QSOX2: variants seen among roughly 807,000 people sequenced by gnomAD.
The protein encoded by QSOX2 is sulfhydryl oxidase 2.
In QSOX2, 46 loss-of-function variants were observed where a neutral mutation model predicts 61.7. That is an observed-to-expected ratio of 0.75 (90% CI 0.59 to 0.95). The LOEUF (loss-of-function observed/expected upper bound fraction) is 0.95. Among genes scored for constraint, QSOX2 ranks in the 40% least tolerant of loss-of-function variants. The probability of loss-of-function intolerance (pLI) is 0.00; values close to 1 mark genes in which losing one functional copy is unlikely to be tolerated. For missense variants in QSOX2, 879 were observed against 918.9 expected, an observed-to-expected ratio of 0.96 and a Z score of 0.56; for synonymous variants, 383 against 388.4, an observed-to-expected ratio of 0.99 and a Z score of 0.16.
At chr9:136,214,509 C>T (rs1034987012) in intron 10 of QSOX2, among the ~76,000 whole-genome samples, 33 of 152,324 alleles carry the variant, frequency 2.2e-4, no homozygotes, top group African/African-American at 7.5e-4. Flanking sequence ...AGGCCCTGAG[C>T]GTGGCCTGCA....
chr9:136,218,553 G>A (rs530152886), intron 8 of QSOX2, 126 bp downstream of exon 8: 139 of 1,200,946 alleles, frequency 1.2e-4, no homozygotes, highest in Middle Eastern at 2.9e-4. Flanking sequence ...GGGCCTGGGC[G>A]ACAAAGCAAG....
At chr9:136,212,204 C>G (rs527437626) in intron 10 of QSOX2, among the ~76,000 whole-genome samples, 141 of 152,346 alleles carry the variant, frequency 9.3e-4, no homozygotes, top group African/African-American at 3.2e-3. Flanking sequence ...GCACCGCAAC[C>G]AAGGGGAACC....
rs377127673 is a variant in QSOX2, at chr9:136,223,750, G to A, written c.675+13C>T. Reference sequence around the variant, plus strand: ...ACCACGTGTGACACCTGGAGCCCACGCAGAGGCCGTACCTCCCGTCCAAGG... The same window carrying A: ...ACCACGTGTGACACCTGGAGCCCACACAGAGGCCGTACCTCCCGTCCAAGG... On this transcript the variant is annotated intron_variant, in intron 5 of 11. Coordinates refer to ENST00000358701, the MANE Select transcript of QSOX2 (RefSeq NM_181701.4). The surrounding 1 kb of genome is among the most constrained non-coding windows in gnomAD (Gnocchi z 4.4). The A allele has an allele frequency of 1.7e-5, 28 of 1,610,574 alleles. No homozygotes were observed. The highest frequency in any genetic ancestry group is 1.7e-4 in the Middle Eastern group (1 of 5,994).
At chr9:136,238,763 A>G (rs1323781393) in intron 1 of QSOX2, among the ~76,000 whole-genome samples, 1 of 152,252 alleles carries the variant, frequency 6.6e-6, no homozygotes, top group Admixed American at 6.5e-5. Context: ...TCTGTTGCTC[A>G]GGAAGAAGAC....
intron 1 of QSOX2, among the ~76,000 whole-genome samples, chr9:136,237,443 A>AGTGTC: frequency 8.1e-6 from 1 of 123,578 alleles, no homozygotes; most frequent in East Asian, 2.6e-4. Context: ...GTCCTGTGCC[A>AGTGTC]CACCTGGAGC....
chr9:136,230,936 T>C lies in QSOX2; in HGVS notation c.329-4062A>G, dbSNP rs558250530. On this transcript the variant is annotated intron_variant, in intron 1 of 11. Transcript: ENST00000358701. ...TTTCCACTGATCTGTTCCTGGTTGCTTTCCCATCTATTTCACAATTTGAAC... is the reference window on the plus strand; with the variant it reads ...TTTCCACTGATCTGTTCCTGGTTGCCTTCCCATCTATTTCACAATTTGAAC... Among the ~76,000 whole-genome samples the C allele has an allele frequency of 3.0e-3, 451 of 152,304 alleles. 1 individual carries two copies. The highest frequency in any genetic ancestry group is 9.8e-3 in the African/African-American group (407 of 41,560).
At chr9:136,241,388 G>A (rs1004865990) in intron 1 of QSOX2, among the ~76,000 whole-genome samples, 6 of 152,200 alleles carry the variant, frequency 3.9e-5, no homozygotes, top group African/African-American at 1.4e-4. Context: ...AACGGACAAT[G>A]AGCCTGTGGG....
rs1831820470 is a variant in QSOX2, at chr9:136,209,521, G to A, written c.1550-246C>T. 1.0e-6 allele frequency: 1 copy of A among 985,356 alleles called. No homozygotes were observed. Among genetic ancestry groups the A allele is most frequent in the Non-Finnish European group, 1.2e-6 (1 of 829,898 alleles). 61.0% of individuals were successfully genotyped at this position (985,356 alleles called of 1,614,324 possible). A position where few individuals can be genotyped will look rare whatever the true frequency, so the allele number is the denominator to read the frequency against. Reference sequence around the variant, plus strand: ...CTGCCGGTTCCCATAGCCTGCAAGTGAGGAGACGCTACACGCTCGGCCTCC... The same window carrying A: ...CTGCCGGTTCCCATAGCCTGCAAGTAAGGAGACGCTACACGCTCGGCCTCC... On this transcript the variant is annotated intron_variant, in intron 11 of 11. Coordinates refer to ENST00000358701, the MANE Select transcript of QSOX2 (RefSeq NM_181701.4). The surrounding 1 kb of genome is among the most constrained non-coding windows in gnomAD (Gnocchi z 5.6).
intron 1 of QSOX2, among the ~76,000 whole-genome samples, chr9:136,231,248 C>G (rs887536261): frequency 6.6e-6 from 1 of 152,214 alleles, no homozygotes; most frequent in African/African-American, 2.4e-5. Context: ...TCCTAACAGG[C>G]GTGCCCGACT....
At chr9:136,233,212 G>T (rs999845050) in intron 1 of QSOX2, among the ~76,000 whole-genome samples, 1 of 152,182 alleles carries the variant, frequency 6.6e-6, no homozygotes, top group African/African-American at 2.4e-5. Flanking sequence ...CTGGTTGCAC[G>T]AGAAGGCCTG....
At position 136,221,967 on chromosome 9, in the gene QSOX2, T is replaced by C; in HGVS notation, c.676-26A>G. On this transcript the variant is annotated intron_variant, in intron 5 of 11. Transcript: ENST00000358701. This position sits in a 1 kb window ranked among gnomAD's most constrained non-coding sequence, Gnocchi z 4.5. Reference sequence around the variant, plus strand: ...CTGGGGGATGAGAACACAATGACACTTCCACAGGGGCTGGCAGTTTCTCAG... The same window carrying C: ...CTGGGGGATGAGAACACAATGACACCTCCACAGGGGCTGGCAGTTTCTCAG... 6 of 1,541,060 alleles carry C rather than the reference T, an allele frequency of 3.9e-6. No homozygotes were observed. Among genetic ancestry groups the C allele is most frequent in the Non-Finnish European group, 5.3e-6 (6 of 1,140,314 alleles).
At position 136,221,985 on chromosome 9, in the gene QSOX2, T is replaced by C; in HGVS notation, c.676-44A>G. Reference sequence around the variant, plus strand: ...ATGACACTTCCACAGGGGCTGGCAGTTTCTCAGAAAACACGACGTGCAGAC... The same window carrying C: ...ATGACACTTCCACAGGGGCTGGCAGCTTCTCAGAAAACACGACGTGCAGAC... On this transcript the variant is annotated intron_variant, in intron 5 of 11. Transcript: ENST00000358701. The surrounding 1 kb of genome is among the most constrained non-coding windows in gnomAD (Gnocchi z 4.5). 1.3e-6 allele frequency: 2 copies of C among 1,509,030 alleles called. No homozygotes were observed. The highest frequency in any genetic ancestry group is 1.8e-6 in the Non-Finnish European group (2 of 1,124,922). 93.5% of individuals were successfully genotyped at this position (1,509,030 alleles called of 1,614,324 possible).
At chr9:136,216,512 C>T (rs1352243505) in intron 9 of QSOX2, 88 bp downstream of exon 9, 27 of 1,553,690 alleles carry the variant, frequency 1.7e-5, no homozygotes, top group Non-Finnish European at 2.4e-5. Flanking sequence ...GCCCGGGCCC[C>T]GAGCAGGGAG....
chr9:136,230,107 C>A (rs1464852876), intron 1 of QSOX2, among the ~76,000 whole-genome samples: 2 of 151,920 alleles, frequency 1.3e-5, no homozygotes, highest in African/African-American at 4.8e-5. Flanking sequence ...GGTAAAACCC[C>A]GTCTCTACTA....
Position 136,216,625 on chromosome 9 carries a change from A to G in QSOX2, c.1184T>C (p.Leu395Pro). 6.2e-7 allele frequency: 1 copy of G among 1,613,960 alleles called. No homozygotes were observed. Among genetic ancestry groups the G allele is most frequent in the Non-Finnish European group, 8.5e-7 (1 of 1,179,970 alleles). Reference sequence around the variant, plus strand: ...CCGCATCTTGTTGTTGACCAGGTCAAGCACGGCGTTGTAGGGGATCCTGTC... The same window carrying G: ...CCGCATCTTGTTGTTGACCAGGTCAGGCACGGCGTTGTAGGGGATCCTGTC... ...PLDRIPYNAV[L>P]DLVNNKMRIS... Residue 395 changes from leucine to proline, a missense_variant, in exon 9 of 12, where the codon CTT becomes CCT. By Grantham distance (98) the Leu-to-Pro change is moderately conservative. Transcript: ENST00000358701.
chr9:136,239,970 C>G (rs924596972), intron 1 of QSOX2, among the ~76,000 whole-genome samples: 1 of 152,252 alleles, frequency 6.6e-6, no homozygotes, highest in Non-Finnish European at 1.5e-5. Flanking sequence ...GGGCACTGGC[C>G]TCATTCAACG....
chr9:136,211,470 C>T lies in QSOX2; in HGVS notation c.1361-18G>A, dbSNP rs1331270417. The T allele has an allele frequency of 3.7e-6, 6 of 1,610,150 alleles. No homozygotes were observed. The highest frequency in any genetic ancestry group is 5.1e-6 in the Non-Finnish European group (6 of 1,176,726). On this transcript the variant is annotated intron_variant, in intron 10 of 11. Transcript: ENST00000358701. ...TTCAAAGCCTGCAGGGGAAGAAACA[C>T]TGCTGACAACGGCAGGTGCGTGGGC...
In QSOX2 at chr9:136,224,079, G is replaced by A. The variant is rs369929602; in HGVS notation, c.512C>T (p.Thr171Met). 3.4e-5 allele frequency: 55 copies of A among 1,614,048 alleles called. No homozygotes were observed. Among genetic ancestry groups the A allele is most frequent in the African/African-American group, 6.7e-5 (5 of 75,020 alleles). Residue 171 changes from threonine to methionine, a missense_variant, in exon 4 of 12, where the codon ACG becomes ATG. Coordinates refer to ENST00000358701, the MANE Select transcript of QSOX2 (RefSeq NM_181701.4). ...PDRELRTVRQ[T>M]MIDFLQNHTE... The stretch of plus-strand genomic sequence containing the variant: ...GTGGTTCTGCAGGAAGTCAATCATC[G>A]TCTGTCTGACTGTTCGCAGCTCTCG...
Position 136,226,773 on chromosome 9 carries a change from C to A in QSOX2, c.429+1G>T. 6.2e-7 allele frequency: 1 copy of A among 1,613,048 alleles called. No homozygotes were observed. The highest frequency in any genetic ancestry group is 8.5e-7 in the Non-Finnish European group (1 of 1,178,994). On this transcript the variant is annotated splice_donor_variant, in intron 2 of 11. Coordinates refer to ENST00000358701, the MANE Select transcript of QSOX2 (RefSeq NM_181701.4). LOFTEE classifies it high-confidence loss of function. ...CGGACAAGCAGCCGCGTGATACTCA[C>A]CCGGAAGGTGGGGTAGAAGTGGATG...
Sources: allele counts gnomAD v4.1 joint callset (sites outside exome capture counted in the v4.1 genomes callset), GRCh38; gene constraint gnomAD v4.1.1; non-coding constraint Gnocchi (gnomAD v3.1); transcripts MANE v1.5; gene names NCBI Gene and HGNC (gene_info 2026-07-23, HGNC 2026-07-21).